TENM2: variants seen among roughly 807,000 people sequenced by gnomAD.
TENM2 encodes teneurin-2.
Under a neutral mutation model 245.2 loss-of-function variants are expected in TENM2, and 52 were observed. The observed-to-expected ratio is 0.21, with a 90% CI of 0.17 to 0.27. The LOEUF (loss-of-function observed/expected upper bound fraction) is 0.27, where lower values mean the gene tolerates loss of function less well. Among genes scored for constraint, TENM2 ranks in the 10% least tolerant of loss-of-function variants. The pLI, the probability that TENM2 is intolerant of heterozygous loss-of-function variation, is 1.00. For missense variants in TENM2, 3,046 were observed against 3,666.8 expected (o/e 0.83, Z 4.37); for synonymous variants, 1,363 against 1,438.9 (o/e 0.95, Z 1.19).
chr5:167,902,427 T>G (rs1477759049), intron 3 of TENM2, among the ~76,000 whole-genome samples: 1 of 152,222 alleles, frequency 6.6e-6, no homozygotes, highest in East Asian at 1.9e-4. Flanking sequence ...TTAATTACCT[T>G]ACTCTTCTCA....
At chr5:167,230,814 A>C in the TENM2 span, among the ~76,000 whole-genome samples, 1 of 152,216 alleles carries the variant, frequency 6.6e-6, no homozygotes. Flanking sequence ...AAAGCTGAGC[A>C]TCAGCTTACT....
intron 2 of TENM2, among the ~76,000 whole-genome samples, chr5:167,418,011 C>T: frequency 6.6e-6 from 1 of 152,172 alleles, no homozygotes; most frequent in Non-Finnish European, 1.5e-5. Context: ...CACGTACATC[C>T]TCACCTAGAC....
intron 1 of TENM2, among the ~76,000 whole-genome samples, chr5:167,374,837 A>G (rs1760648037): frequency 6.6e-6 from 1 of 152,164 alleles, no homozygotes; most frequent in Non-Finnish European, 1.5e-5. Flanking sequence ...AAAAAATATA[A>G]AAGTTGCAAA....
chr5:167,342,613 C>T (rs563035643), intron 1 of TENM2, among the ~76,000 whole-genome samples: 4 of 147,754 alleles, frequency 2.7e-5, no homozygotes, highest in African/African-American at 5.0e-5. Context: ...CTGCAAGCTC[C>T]GCTTCCCGGG....
At chr5:167,153,279 C>G in the TENM2 span, among the ~76,000 whole-genome samples, 146 of 151,910 alleles carry the variant, frequency 9.6e-4, no homozygotes, top group African/African-American at 3.5e-3. Context: ...AGTTGATTAA[C>G]ACGTATTTCA....
In TENM2 at chr5:168,011,846, C is replaced by A. The variant is rs141543047; in HGVS notation, c.1186+18664C>A. 9.2e-5 allele frequency among the ~76,000 whole-genome samples: 14 copies of A among 152,298 alleles called. No homozygotes were observed. In the East Asian group the frequency reaches 2.7e-3, roughly 29 times the overall value. On this transcript the variant is annotated intron_variant, in intron 5 of 28. Transcript: ENST00000518659. ...GCTTTAAAAGGATAATAAAGTCAAC[C>A]ATTTATGAAAAACCTACTATGTGCA...
chr5:168,173,695 A>T (rs762776805), intron 13 of TENM2, among the ~76,000 whole-genome samples: 1 of 152,184 alleles, frequency 6.6e-6, no homozygotes, highest in Admixed American at 6.5e-5. Flanking sequence ...ATAAGACTCA[A>T]ACTCCGCCCA....
intron 2 of TENM2, among the ~76,000 whole-genome samples, chr5:167,429,692 C>T (rs572430101): frequency 7.3e-5 from 11 of 150,666 alleles, no homozygotes; most frequent in Non-Finnish European, 1.6e-4. Context: ...GTGCAACCTC[C>T]GCCTCCCAGG....
the TENM2 span, among the ~76,000 whole-genome samples, chr5:166,979,861 C>G: frequency 6.6e-6 from 1 of 152,068 alleles, no homozygotes; most frequent in Non-Finnish European, 1.5e-5. Context: ...TAATGTTCAT[C>G]GCAATTATAG....
At chr5:167,617,119 C>T (rs1304917972) in intron 2 of TENM2, among the ~76,000 whole-genome samples, 1 of 152,080 alleles carries the variant, frequency 6.6e-6, no homozygotes, top group African/African-American at 2.4e-5. Flanking sequence ...AGTGGGTGCC[C>T]TAGTTTTAAG....
chr5:167,841,455 TTGTG>T (rs772838337), intron 2 of TENM2, among the ~76,000 whole-genome samples: 1 of 152,216 alleles, frequency 6.6e-6, no homozygotes, highest in Admixed American at 6.5e-5. Context: ...GATTTACCCC[TTGTG>T]TATATATATG....
intron 1 of TENM2, among the ~76,000 whole-genome samples, chr5:167,320,658 C>T (rs1451789257): frequency 2.6e-5 from 4 of 152,108 alleles, no homozygotes; most frequent in Non-Finnish European, 5.9e-5. Flanking sequence ...CGAGTTGAGC[C>T]CTTTCATGCT....
the TENM2 span, among the ~76,000 whole-genome samples, chr5:167,165,608 C>T: frequency 6.6e-6 from 1 of 151,462 alleles, no homozygotes; most frequent in South Asian, 2.1e-4. Flanking sequence ...GCTGAATACA[C>T]AAAAAAAATC....
intron 2 of TENM2, among the ~76,000 whole-genome samples, chr5:167,748,288 T>C (rs555031060): frequency 6.6e-6 from 1 of 152,314 alleles, no homozygotes; most frequent in East Asian, 1.9e-4. Context: ...TGCACCAAGT[T>C]TCATTGACCC....
intron 2 of TENM2, among the ~76,000 whole-genome samples, chr5:167,790,296 A>G (rs1443513998): frequency 1.3e-5 from 2 of 152,168 alleles, no homozygotes; most frequent in African/African-American, 2.4e-5. Flanking sequence ...AAAATGGGAG[A>G]GACTAAGCTG....
chr5:168,069,645 T>C (rs1790810825), intron 7 of TENM2, among the ~76,000 whole-genome samples: 1 of 152,204 alleles, frequency 6.6e-6, no homozygotes, highest in African/African-American at 2.4e-5. Flanking sequence ...AGTCCCCTTT[T>C]ACAGATGGAA....
At chr5:167,706,104 G>A (rs1440009797) in intron 2 of TENM2, among the ~76,000 whole-genome samples, 1 of 143,756 alleles carries the variant, frequency 7.0e-6, no homozygotes, top group Admixed American at 7.1e-5. Flanking sequence ...AATTATACCA[G>A]TATATATGTA....
intron 2 of TENM2, among the ~76,000 whole-genome samples, chr5:167,839,860 C>G (rs1769333318): frequency 2.0e-5 from 3 of 152,132 alleles, no homozygotes; most frequent in Admixed American, 2.0e-4. Context: ...TTTTTTTGTA[C>G]AGGCTGGAGT....
chr5:167,512,143 C>T (rs902666804), intron 2 of TENM2, among the ~76,000 whole-genome samples: 1 of 152,154 alleles, frequency 6.6e-6, no homozygotes, highest in South Asian at 2.1e-4. Context: ...ACTCAAAAAA[C>T]ACCTTGAATT....
Sources: allele counts gnomAD v4.1 joint callset (sites outside exome capture counted in the v4.1 genomes callset), GRCh38; gene constraint gnomAD v4.1.1; transcripts MANE v1.5; gene names NCBI Gene and HGNC (gene_info 2026-07-23, HGNC 2026-07-21).